Variants in PVT1 observed in about 807,000 individuals in gnomAD.
The protein encoded by PVT1 is CXCR4/PVT1 fusion.
chr8:128,064,687 A>C (rs965843172), intron 4 of PVT1, among the ~76,000 whole-genome samples: 11 of 152,242 alleles, frequency 7.2e-5, no homozygotes, highest in Admixed American at 7.2e-4. Context: ...TGATATTTCA[A>C]AGACCCACAA....
chr8:127,867,509 C>A (rs533492632), intron 2 of PVT1, among the ~76,000 whole-genome samples: 21 of 152,202 alleles, frequency 1.4e-4, no homozygotes, highest in Non-Finnish European at 3.1e-4. Flanking sequence ...GAGGATGCTC[C>A]GCTGGGGAGG....
chr8:127,947,797 A>G (rs1340293171), intron 3 of PVT1: 10 of 456,528 alleles, frequency 2.2e-5, no homozygotes, highest in South Asian at 1.4e-4. Flanking sequence ...ATAGTTACAA[A>G]TACTATGAAA....
intron 2 of PVT1, among the ~76,000 whole-genome samples, chr8:127,859,164 C>T (rs998769561): frequency 6.6e-6 from 1 of 152,104 alleles, no homozygotes; most frequent in Non-Finnish European, 1.5e-5. Context: ...TTTTCTTCCT[C>T]ACAACCTTCT....
At chr8:128,015,778 AAAAAAAAAAAAAG>A (rs1817365819) in intron 4 of PVT1, among the ~76,000 whole-genome samples, 1 of 150,314 alleles carries the variant, frequency 6.7e-6, no homozygotes, top group East Asian at 2.0e-4. Flanking sequence ...TCTCAAAAAA[AAAAAAAAAAAAAG>A]GTTTGAGAAG....
intron 4 of PVT1, among the ~76,000 whole-genome samples, chr8:128,059,779 A>G (rs1813806838): frequency 6.6e-6 from 1 of 152,182 alleles, no homozygotes; most frequent in African/African-American, 2.4e-5. Context: ...CACATGGGGA[A>G]GTGAGATGCA....
intron 2 of PVT1, among the ~76,000 whole-genome samples, chr8:127,799,481 C>T (rs1814437628): frequency 6.6e-6 from 1 of 152,182 alleles, no homozygotes; most frequent in Non-Finnish European, 1.5e-5. Context: ...CAGTCATTAT[C>T]TTTTTAGATA....
intron 4 of PVT1, chr8:128,010,282 C>T (rs538573746): frequency 5.3e-5 from 8 of 152,298 alleles, no homozygotes; most frequent in African/African-American, 1.7e-4. Context: ...CTCTTATAAA[C>T]TGCAAAATGT....
intron 4 of PVT1, among the ~76,000 whole-genome samples, chr8:128,013,770 ATCTC>A (rs1367893604): frequency 1.3e-5 from 2 of 152,174 alleles, no homozygotes; most frequent in Non-Finnish European, 2.9e-5. Context: ...GTGATTACTT[ATCTC>A]TCTATCCCTC....
intron 2 of PVT1, among the ~76,000 whole-genome samples, chr8:127,887,494 G>C (rs896519158): frequency 6.6e-6 from 1 of 152,134 alleles, no homozygotes; most frequent in Non-Finnish European, 1.5e-5. Context: ...GAACCTTCTT[G>C]AACTTTCTAG....
At chr8:128,048,111 A>G (rs1813642433) in intron 4 of PVT1, among the ~76,000 whole-genome samples, 2 of 152,172 alleles carry the variant, frequency 1.3e-5, no homozygotes, top group South Asian at 4.1e-4. Context: ...CACACTTAAC[A>G]CACTCTGTGG....
chr8:127,799,831 A>C (rs1341746262), intron 2 of PVT1, among the ~76,000 whole-genome samples: 1 of 152,244 alleles, frequency 6.6e-6, no homozygotes. Context: ...GTGGTTTCTG[A>C]ATAGAAAGGC....
intron 2 of PVT1, among the ~76,000 whole-genome samples, chr8:127,850,793 T>C (rs1452760411): frequency 6.6e-6 from 1 of 152,038 alleles, no homozygotes; most frequent in Non-Finnish European, 1.5e-5. Context: ...CTGAAGTGGG[T>C]GGATCACCTG....
intron 3 of PVT1, chr8:127,989,094 C>T (rs1158128077): frequency 6.6e-6 from 1 of 152,198 alleles, no homozygotes; most frequent in Non-Finnish European, 1.5e-5. Flanking sequence ...ATGAATGAAA[C>T]ATCTCATTAC....
intron 4 of PVT1, among the ~76,000 whole-genome samples, chr8:128,067,847 G>C (rs1200024958): frequency 2.0e-5 from 3 of 152,110 alleles, no homozygotes; most frequent in Non-Finnish European, 4.4e-5. Context: ...GGGGTTTTAA[G>C]GATGGAAGAG....
At chr8:127,937,578 C>CAGAGAGAGAGAGAGAGAGAG (rs1296575228) in intron 3 of PVT1, among the ~76,000 whole-genome samples, 35 of 119,340 alleles carry the variant, frequency 2.9e-4, no homozygotes, top group African/African-American at 9.3e-4. Context: ...CACACACACA[C>CAGAGAGAGAGAGAGAGAGAG]ACAGAGAGAG....
intron 4 of PVT1, among the ~76,000 whole-genome samples, chr8:128,000,067 G>C (rs1749602552): frequency 6.6e-6 from 1 of 152,156 alleles, no homozygotes; most frequent in African/African-American, 2.4e-5. Flanking sequence ...GGACTGTCCT[G>C]TTCTGCTCCT....
chr8:127,910,893 T>TGTGTG (rs1815888877), intron 3 of PVT1, among the ~76,000 whole-genome samples: 1 of 140,634 alleles, frequency 7.1e-6, no homozygotes, highest in African/African-American at 2.6e-5. Context: ...GTGTGTGTGT[T>TGTGTG]TGTGTGTGTG....
At chr8:128,022,347 C>G (rs370352578) in intron 4 of PVT1, among the ~76,000 whole-genome samples, 1 of 152,218 alleles carries the variant, frequency 6.6e-6, no homozygotes, top group Non-Finnish European at 1.5e-5. Flanking sequence ...TGAGGAACTG[C>G]TTAATTCATA....
At chr8:127,949,957 C>A (rs1816485666) in intron 3 of PVT1, among the ~76,000 whole-genome samples, 1 of 152,254 alleles carries the variant, frequency 6.6e-6, no homozygotes, top group Admixed American at 6.5e-5. Context: ...CTTCTGCTTC[C>A]AGCTGAGGCT....
Sources: gnomAD v4.1 joint callset for allele counts (sites outside exome capture counted in the v4.1 genomes callset) on GRCh38, gnomAD v4.1.1 for gene constraint, MANE v1.5 for transcripts, NCBI Gene and HGNC (gene_info 2026-07-23, HGNC 2026-07-21) for gene names.